The following DPYD variants were observed in gnomAD, a reference collection of about 807,000 sequenced individuals.
DPYD encodes dihydropyrimidine dehydrogenase [NADP(+)].
A neutral mutation model predicts 116.2 loss-of-function variants in DPYD; 109 were observed. The ratio of observed to expected loss-of-function variants is 0.94; its 90% CI spans 0.80 to 1.10. DPYD has a LOEUF of 1.10. DPYD is among the 50% of genes least tolerant of loss of function. The pLI is 0.00. For synonymous variants in DPYD, 440 were observed against 432.0 expected, an observed-to-expected ratio of 1.02 and a Z score of -0.23; for missense variants, 1,302 against 1,254.5, an observed-to-expected ratio of 1.04 and a Z score of -0.57.
chr1:97,418,513 T>A (rs777323071), intron 14 of DPYD, among the ~76,000 whole-genome samples: 4 of 152,122 alleles, frequency 2.6e-5, no homozygotes, highest in Non-Finnish European at 1.5e-5. Context: ...TTAGTCAGAC[T>A]GGTTTCGAAC....
chr1:97,287,086 A>C (rs1355825405), intron 18 of DPYD, among the ~76,000 whole-genome samples: 1 of 151,888 alleles, frequency 6.6e-6, no homozygotes, highest in Non-Finnish European at 1.5e-5. Context: ...GATGATGGTG[A>C]TGTACAGATG....
intron 13 of DPYD, among the ~76,000 whole-genome samples, chr1:97,463,244 TC>T (rs1230592303): frequency 6.6e-6 from 1 of 152,160 alleles, no homozygotes; most frequent in Non-Finnish European, 1.5e-5. Flanking sequence ...GGCAAGTCTT[TC>T]CTGTGATGTT....
chr1:97,721,613 C>A lies in DPYD; in HGVS notation c.380G>T (p.Gly127Val). The A allele has an allele frequency of 6.2e-7, 1 of 1,611,758 alleles. No individual in the cohort carries two copies. Among genetic ancestry groups the A allele is most frequent in the Non-Finnish European group, 8.5e-7 (1 of 1,178,446 alleles). The change falls in exon 5 of 23, where the codon GGA becomes GTA. Residue 127 changes from glycine (G) to valine (V), a missense_variant. Gly to Val is a moderately radical substitution (Grantham distance 109). Coordinates refer to ENST00000370192, the MANE Select transcript of DPYD (RefSeq NM_000110.4). Reference protein sequence around the residue: ...FSDNPLGLTCGMVCPTSDLCV... With the variant: ...FSDNPLGLTCVMVCPTSDLCV... The stretch of plus-strand genomic sequence containing the variant: ...AAGATCAGAGGTTGGACATACCATT[C>A]CACAAGTCAGACCAAGTGGGTTGTC...
intron 13 of DPYD, among the ~76,000 whole-genome samples, chr1:97,513,090 T>C (rs1647927268): frequency 6.6e-6 from 1 of 151,762 alleles, no homozygotes; most frequent in Non-Finnish European, 1.5e-5. Flanking sequence ...TACTGAGATA[T>C]CAACTGGCAT....
intron 5 of DPYD, among the ~76,000 whole-genome samples, chr1:97,714,290 T>C (rs1398695167): frequency 6.6e-6 from 1 of 152,082 alleles, no homozygotes; most frequent in Non-Finnish European, 1.5e-5. Context: ...CTCGGCTCAT[T>C]GCAACCTCTG....
chr1:97,757,620 G>A (rs936611347), intron 3 of DPYD, among the ~76,000 whole-genome samples: 2 of 152,110 alleles, frequency 1.3e-5, no homozygotes, highest in Admixed American at 6.6e-5. Flanking sequence ...GAAATTGTTA[G>A]AAGGTAATTT....
At chr1:97,266,258 A>G (rs1664217276) in intron 18 of DPYD, among the ~76,000 whole-genome samples, 2 of 152,336 alleles carry the variant, frequency 1.3e-5, no homozygotes, top group South Asian at 4.1e-4. Flanking sequence ...CAATTGGCTT[A>G]GCATATCAAG....
chr1:97,108,586 A>C (rs1419621744), intron 20 of DPYD, among the ~76,000 whole-genome samples: 1 of 152,150 alleles, frequency 6.6e-6, no homozygotes, highest in Non-Finnish European at 1.5e-5. Flanking sequence ...AAACTGTTTT[A>C]GACTTCATTA....
At chr1:97,752,290 TCACACA>T (rs146577982) in intron 3 of DPYD, among the ~76,000 whole-genome samples, 2,601 of 145,930 alleles carry the variant, frequency 0.018, 34 homozygotes, top group African/African-American at 0.027. Context: ...TAAACCTACT[TCACACA>T]CACACACACA....
At chr1:97,290,301 C>T (rs892055763) in intron 18 of DPYD, among the ~76,000 whole-genome samples, 4 of 151,982 alleles carry the variant, frequency 2.6e-5, no homozygotes, top group Admixed American at 2.6e-4. Context: ...CATCAAGCTA[C>T]CAATGACTTT....
At chr1:97,497,757 G>A (rs1395357900) in intron 13 of DPYD, among the ~76,000 whole-genome samples, 1 of 151,644 alleles carries the variant, frequency 6.6e-6, no homozygotes, top group Non-Finnish European at 1.5e-5. Flanking sequence ...TAGCTGCTTT[G>A]GAAAACAGTT....
chr1:97,177,731 C>G (rs142496939), intron 20 of DPYD, among the ~76,000 whole-genome samples: 56 of 152,118 alleles, frequency 3.7e-4, no homozygotes, highest in African/African-American at 1.3e-3. Flanking sequence ...TTGGAGGAGG[C>G]CAATTGCTGG....
chr1:97,271,371 C>T (rs1394788102), intron 18 of DPYD, among the ~76,000 whole-genome samples: 2 of 152,110 alleles, frequency 1.3e-5, no homozygotes, highest in African/African-American at 4.8e-5. Context: ...TTGCAGTATT[C>T]CCAGAGATAA....
chr1:97,455,033 A>G (rs1676607381), intron 13 of DPYD, among the ~76,000 whole-genome samples: 1 of 151,918 alleles, frequency 6.6e-6, no homozygotes, highest in South Asian at 2.1e-4. Context: ...GCAATATATT[A>G]TTTAGTGAAA....
intron 5 of DPYD, 129 bp from the exon 6 acceptor site, chr1:97,699,676 T>TA: frequency 1.1e-6 from 1 of 891,694 alleles, no homozygotes; most frequent in Non-Finnish European, 1.8e-6. Flanking sequence ...ATTAATATGG[T>TA]ATACTTACAA....
intron 19 of DPYD, among the ~76,000 whole-genome samples, chr1:97,195,884 C>T (rs945443397): frequency 2.6e-5 from 4 of 151,000 alleles, no homozygotes; most frequent in South Asian, 2.1e-4. Flanking sequence ...GAGCTGGAAG[C>T]GATGACTGGA....
At chr1:97,286,454 T>C (rs572172489) in intron 18 of DPYD, among the ~76,000 whole-genome samples, 71 of 152,194 alleles carry the variant, frequency 4.7e-4, no homozygotes, top group Non-Finnish European at 6.0e-4. Flanking sequence ...TTCCTGAATC[T>C]GAATGTTGGC....
chr1:97,920,735 T>TCCGCTCCC (rs1674473049), intron 1 of DPYD, 149 bp downstream of exon 1: 2 of 1,185,964 alleles, frequency 1.7e-6, no homozygotes, highest in East Asian at 5.2e-5. Flanking sequence ...TCCGCGCTCC[T>TCCGCTCCC]CCGCTCCCCC....
intron 19 of DPYD, among the ~76,000 whole-genome samples, chr1:97,205,004 CT>C (rs1469070450): frequency 1.3e-5 from 2 of 151,918 alleles, no homozygotes; most frequent in African/African-American, 4.8e-5. Context: ...ATAGACTTTG[CT>C]TTTTAGTACA....
Sources: allele counts gnomAD v4.1 joint callset (sites outside exome capture counted in the v4.1 genomes callset), GRCh38; gene constraint gnomAD v4.1.1; transcripts MANE v1.5; gene names NCBI Gene and HGNC (gene_info 2026-07-23, HGNC 2026-07-21).